FGF12: variants seen among roughly 807,000 people sequenced by gnomAD.
FGF12 encodes the protein fibroblast growth factor 12B.
FGF12 carries 14 observed loss-of-function variants against 23.6 expected under a neutral mutation model. That is an observed-to-expected ratio of 0.59 (90% confidence interval 0.39 to 0.93). The LOEUF (loss-of-function observed/expected upper bound fraction) is 0.93, where lower values mean the gene tolerates loss of function less well. FGF12 is among the 40% of genes least tolerant of loss of function. The pLI is 0.00. For synonymous variants in FGF12, 62 were observed against 77.3 expected, an observed-to-expected ratio of 0.80 and a Z score of 1.04; for missense variants, 175 against 217.8, an observed-to-expected ratio of 0.80 and a Z score of 1.24.
At chr3:192,455,078 CAAAGCT>C (rs1325926448) in intron 2 of FGF12, among the ~76,000 whole-genome samples, 5 of 152,150 alleles carry the variant, frequency 3.3e-5, no homozygotes, top group African/African-American at 1.2e-4. Context: ...CTTCTAACAT[CAAAGCT>C]AAGCCATAAG....
intron 2 of FGF12, among the ~76,000 whole-genome samples, chr3:192,483,434 T>A (rs943436004): frequency 6.6e-6 from 1 of 152,034 alleles, no homozygotes; most frequent in African/African-American, 2.4e-5. Flanking sequence ...GTAAAAAAAA[T>A]GTCTAATGTC....
chr3:192,664,961 A>C (rs1435075405), intron 2 of FGF12, among the ~76,000 whole-genome samples: 1 of 152,174 alleles, frequency 6.6e-6, no homozygotes, highest in Non-Finnish European at 1.5e-5. Flanking sequence ...AAACACAGAA[A>C]AGCGCAAAGA....
At chr3:192,465,984 G>A (rs1369582398) in intron 2 of FGF12, among the ~76,000 whole-genome samples, 1 of 152,120 alleles carries the variant, frequency 6.6e-6, no homozygotes, top group African/African-American at 2.4e-5. Flanking sequence ...CTTAATGACT[G>A]GAAGATGCAT....
In FGF12 at chr3:192,498,123, T is replaced by C. The variant is rs548640703; in HGVS notation, c.14-137585A>G. Among the ~76,000 whole-genome samples, 188 of 152,360 alleles carry C rather than the reference T, an allele frequency of 1.2e-3. 1 individual carries two copies. Among genetic ancestry groups the C allele is most frequent in the African/African-American group, 4.3e-3 (178 of 41,584 alleles). Reference sequence around the variant, plus strand: ...CTTCTATGCCAAGTGTATGCCTATTTATTTTTAAAACTGCAACTTGAATGA... The same window carrying C: ...CTTCTATGCCAAGTGTATGCCTATTCATTTTTAAAACTGCAACTTGAATGA... On this transcript the variant is annotated intron_variant, in intron 2 of 5. Transcript: ENST00000445105.
At chr3:192,437,271 T>C (rs1164780095) in intron 2 of FGF12, among the ~76,000 whole-genome samples, 1 of 152,160 alleles carries the variant, frequency 6.6e-6, no homozygotes, top group African/African-American at 2.4e-5. Flanking sequence ...AGAAATACTA[T>C]CATCTTTGTT....
In FGF12 at chr3:192,146,679, C is replaced by CT. The variant is rs113015076; in HGVS notation, c.428-2553dup. Among the ~76,000 whole-genome samples, 1,135 of 151,450 alleles carry CT rather than the reference C, an allele frequency of 7.5e-3. 14 individuals are homozygous for CT. Among genetic ancestry groups the CT allele is most frequent in the African/African-American group, 0.025 (1,046 of 41,316 alleles). Reference sequence around the variant, plus strand: ...CCAAAACATTCACTTGGACTTTTATCTTTTTTTTTGTTTTGTTTTCTATTT... The same window carrying CT: ...CCAAAACATTCACTTGGACTTTTATCTTTTTTTTTTGTTTTGTTTTCTATTT... On this transcript the variant is annotated intron_variant, in intron 5 of 5. Transcript: ENST00000445105.
intron 5 of FGF12, among the ~76,000 whole-genome samples, chr3:192,163,874 C>T (rs116360621): frequency 0.021 from 2,980 of 143,114 alleles, 108 homozygotes; most frequent in African/African-American, 0.069. Context: ...CTCCCCACTA[C>T]CAAATAAATT....
At chr3:192,303,871 T>C (rs546027344) in intron 4 of FGF12, among the ~76,000 whole-genome samples, 45 of 152,302 alleles carry the variant, frequency 3.0e-4, no homozygotes, top group African/African-American at 1.0e-3. Context: ...TTTGAAACTG[T>C]CAAGCTTCAT....
chr3:192,571,464 G>T (rs959832145), intron 2 of FGF12, among the ~76,000 whole-genome samples: 25 of 152,256 alleles, frequency 1.6e-4, no homozygotes, highest in African/African-American at 5.8e-4. Context: ...GACGGAGCGC[G>T]CGAGCAGCGC....
intron 4 of FGF12, among the ~76,000 whole-genome samples, chr3:192,315,813 G>T (rs965432455): frequency 2.0e-5 from 3 of 152,154 alleles, no homozygotes; most frequent in African/African-American, 7.2e-5. Flanking sequence ...CTCTTCAGAA[G>T]GCCATTGTGT....
chr3:192,658,205 G>C (rs967849524), intron 2 of FGF12, among the ~76,000 whole-genome samples: 1 of 152,176 alleles, frequency 6.6e-6, no homozygotes, highest in African/African-American at 2.4e-5. Context: ...CATTGAAATA[G>C]ATTTTCTATA....
At chr3:192,467,325 G>T (rs1723039870) in intron 2 of FGF12, among the ~76,000 whole-genome samples, 1 of 152,104 alleles carries the variant, frequency 6.6e-6, no homozygotes, top group South Asian at 2.1e-4. Context: ...AAAGGGATCG[G>T]CTTAGGTGAA....
In FGF12 at chr3:192,167,914, G is replaced by A. The variant is rs1245421835; in HGVS notation, c.427+2544C>T. On this transcript the variant is annotated intron_variant, in intron 5 of 5. Coordinates refer to ENST00000445105, the MANE Select transcript of FGF12 (RefSeq NM_004113.6). ...CCTGAGTAGCTGGGATTACCGGCAC[G>A]TGCCACCACGCCCGGTTAATTTTTG... is the stretch of plus-strand genomic sequence containing the variant. Among the ~76,000 whole-genome samples, 6 of 150,178 alleles carry A rather than the reference G, an allele frequency of 4.0e-5. No individual in the cohort carries two copies. In the East Asian group the frequency reaches 9.8e-4, roughly 25 times the overall value.
intron 4 of FGF12, among the ~76,000 whole-genome samples, chr3:192,247,030 AAAGAAGGAAGGAAGGAAGGAAGGAAGG>A (rs1711642007): frequency 1.4e-5 from 2 of 138,664 alleles, no homozygotes; most frequent in African/African-American, 2.7e-5. Context: ...GGAGGGAAGG[AAAGAAGGAAGGAAGGAAGGAAGGAAGG>A]AAGGAAGGAA....
intron 2 of FGF12, among the ~76,000 whole-genome samples, chr3:192,674,200 G>A (rs1241647968): frequency 7.2e-6 from 1 of 138,480 alleles, no homozygotes; most frequent in Non-Finnish European, 1.7e-5. Context: ...CCATAGACTT[G>A]GGTCAGCTGC....
chr3:192,408,128 G>T lies in FGF12; in HGVS notation c.14-47590C>A, dbSNP rs780624418. On this transcript the variant is annotated intron_variant, in intron 2 of 5. Coordinates refer to ENST00000445105, the MANE Select transcript of FGF12 (RefSeq NM_004113.6). The surrounding 1 kb of genome is among the most constrained non-coding windows in gnomAD (Gnocchi z 7.3). ...ACAGGGAGCGCCCGTCTTTGCTGGG[G>T]CTGGAGCGGCGCTTGGAGGCCGACA... The T allele has an allele frequency of 1.9e-6, 3 of 1,612,820 alleles. No homozygotes were observed. The highest frequency in any genetic ancestry group is 2.5e-6 in the Non-Finnish European group (3 of 1,179,986).
intron 2 of FGF12, among the ~76,000 whole-genome samples, chr3:192,391,338 G>GA (rs1312615651): frequency 6.6e-6 from 1 of 152,116 alleles, no homozygotes; most frequent in Non-Finnish European, 1.5e-5. Context: ...ACCAACTGGT[G>GA]ATTTAATTTA....
chr3:192,177,094 A>G (rs1170460836), intron 4 of FGF12, among the ~76,000 whole-genome samples: 3 of 152,236 alleles, frequency 2.0e-5, no homozygotes, highest in Non-Finnish European at 4.4e-5. Context: ...AGAAATAAAC[A>G]GTAAGTATTT....
At chr3:192,675,352 T>C (rs1458012016) in intron 2 of FGF12, among the ~76,000 whole-genome samples, 1 of 150,810 alleles carries the variant, frequency 6.6e-6, no homozygotes, top group Admixed American at 6.6e-5. Context: ...GAAAACAAAA[T>C]TTAAGATAAT....
Sources: allele counts gnomAD v4.1 joint callset (sites outside exome capture counted in the v4.1 genomes callset), GRCh38; gene constraint gnomAD v4.1.1; non-coding constraint Gnocchi (gnomAD v3.1); transcripts MANE v1.5; gene names NCBI Gene and HGNC (gene_info 2026-07-23, HGNC 2026-07-21).